The following ARMC6 variants were observed in gnomAD, a reference collection of about 807,000 sequenced individuals.
ARMC6 encodes armadillo repeat-containing protein 6.
In ARMC6, 43 loss-of-function variants were observed where a neutral mutation model predicts 49.2. The observed-to-expected ratio is 0.87, with a 90% confidence interval of 0.69 to 1.13. ARMC6 has a LOEUF of 1.13. Among genes scored for constraint, ARMC6 ranks in the 50% most tolerant of loss-of-function variants. The pLI, the probability that ARMC6 is intolerant of heterozygous loss-of-function variation, is 0.00. For missense variants in ARMC6, 627 were observed against 682.0 expected, an observed-to-expected ratio of 0.92 and a Z score of 0.90; for synonymous variants, 262 against 289.6, an observed-to-expected ratio of 0.90 and a Z score of 0.97.
chr19:19,034,562 T>A (rs1222533410), intron 2 of ARMC6, among the ~76,000 whole-genome samples: 1 of 152,042 alleles, frequency 6.6e-6, no homozygotes, highest in African/African-American at 2.4e-5. Context: ...GGATGGAGTC[T>A]TTTAGAGTCC....
rs374929057 is a variant in ARMC6 at position 19,051,679 on chromosome 19, T to C, written c.337T>C (p.Tyr113His). The change falls in exon 5 of 9, where the codon TAC becomes CAC. Residue 113 changes from tyrosine (Y) to histidine (H), a missense_variant. By Grantham distance (83) the Tyr-to-His change is moderately conservative (BLOSUM62 2). Transcript: ENST00000535612. Reference protein sequence around the residue: ...ASSRPQEVSAYLTRFCDQCKQ... With the variant: ...ASSRPQEVSAHLTRFCDQCKQ... ...CTCTCGCCCCCAGGAGGTGTCAGCA[T>C]ACCTCACCCGCTTCTGCGACCAGTG... is the stretch of plus-strand genomic sequence containing the variant. The C allele has an allele frequency of 1.2e-6, 2 of 1,613,626 alleles. No individual in the cohort carries two copies. The highest frequency in any genetic ancestry group is 1.7e-6 in the Non-Finnish European group (2 of 1,179,866).
intron 2 of ARMC6, among the ~76,000 whole-genome samples, chr19:19,038,898 T>TACACACACACACACAC (rs35676976): frequency 2.7e-5 from 4 of 147,208 alleles, no homozygotes; most frequent in African/African-American, 7.5e-5. Flanking sequence ...TTTGTGTGTA[T>TACACACACACACACAC]ACACACACAC....
chr19:19,043,989 CAG>C lies in ARMC6; in HGVS notation c.197-2_197-1del, dbSNP rs773417160. 72 of 1,613,760 alleles carry C rather than the reference CAG, an allele frequency of 4.5e-5. No homozygotes were observed. The highest frequency in any genetic ancestry group is 4.0e-4 in the East Asian group (18 of 44,886). On this transcript the variant is annotated splice_acceptor_variant, in intron 3 of 8. Transcript: ENST00000535612. LOFTEE classifies it high-confidence loss of function. Reference sequence around the variant, plus strand: ...GTGTGCTTGCTTCCCCCACCCCCAACAGGGGTTGATCTGAGCAACATTGTAAA... The same window carrying C: ...GTGTGCTTGCTTCCCCCACCCCCAACGGGTTGATCTGAGCAACATTGTAAA...
At chr19:19,044,404 C>T (rs764651647) in intron 4 of ARMC6, among the ~76,000 whole-genome samples, 6 of 152,162 alleles carry the variant, frequency 3.9e-5, no homozygotes, top group African/African-American at 9.7e-5. Flanking sequence ...ACTCATAGGA[C>T]GAGAGAGTGG....
intron 2 of ARMC6, among the ~76,000 whole-genome samples, chr19:19,035,542 C>G (rs996650978): frequency 6.6e-6 from 1 of 152,214 alleles, no homozygotes; most frequent in Non-Finnish European, 1.5e-5. Context: ...CAGCCCTGTA[C>G]CAGATCTAGG....
At position 19,044,009 on chromosome 19, in the gene ARMC6, A is replaced by G. The variant is rs1234040287; in HGVS notation, c.214A>G (p.Ile72Val). 1 of 1,614,102 alleles carries G rather than the reference A, an allele frequency of 6.2e-7. No individual in the cohort carries two copies. Among genetic ancestry groups the G allele is most frequent in the Non-Finnish European group, 8.5e-7 (1 of 1,179,974 alleles). The change falls in exon 4 of 9, where the codon ATT becomes GTT. Residue 72 changes from isoleucine (I) to valine (V), a missense_variant. Coordinates refer to ENST00000535612, the MANE Select transcript of ARMC6 (RefSeq NM_001199196.2). ...CCCAACAGGGGTTGATCTGAGCAAC[A>G]TTGTAAAGACGGCACCTAAAGTCTC... ...FESQGVDLSN[I>V]VKTAPKVSAD...
At chr19:19,036,207 G>A (rs995137027) in intron 2 of ARMC6, among the ~76,000 whole-genome samples, 8 of 151,986 alleles carry the variant, frequency 5.3e-5, no homozygotes, top group African/African-American at 9.7e-5. Context: ...GATTACAGGC[G>A]CCCACTACCA....
chr19:19,050,799 A>T (rs1048938085), intron 4 of ARMC6, among the ~76,000 whole-genome samples: 2 of 152,200 alleles, frequency 1.3e-5, no homozygotes. Flanking sequence ...GTGTCAGTCA[A>T]TGCCAAATCA....
At chr19:19,047,951 C>CT (rs2059464945) in intron 4 of ARMC6, among the ~76,000 whole-genome samples, 1 of 152,162 alleles carries the variant, frequency 6.6e-6, no homozygotes, top group Non-Finnish European at 1.5e-5. Context: ...TGGCTCACGT[C>CT]TGTAATTTCA....
intron 8 of ARMC6, among the ~76,000 whole-genome samples, chr19:19,057,058 C>A (rs1416959201): frequency 6.6e-6 from 1 of 152,252 alleles, no homozygotes; most frequent in Non-Finnish European, 1.5e-5. Flanking sequence ...GGTGCCTGTG[C>A]ACAACCACTG....
At chr19:19,037,326 C>T (rs2059378773) in intron 2 of ARMC6, among the ~76,000 whole-genome samples, 1 of 151,868 alleles carries the variant, frequency 6.6e-6, no homozygotes, top group African/African-American at 2.4e-5. Flanking sequence ...GTGTATATCC[C>T]ATGCCACTGC....
chr19:19,033,982 G>A (rs976678185), intron 1 of ARMC6, 52 bp downstream of exon 1: 14 of 540,786 alleles, frequency 2.6e-5, no homozygotes, highest in Admixed American at 1.3e-4. Flanking sequence ...GGGAGTGGGG[G>A]TGCCGCAGGG....
chr19:19,039,435 C>G (rs1479993027), intron 2 of ARMC6: 1 of 435,786 alleles, frequency 2.3e-6, no homozygotes, highest in African/African-American at 2.0e-5. Context: ...CCATGCCTGG[C>G]CTGATGTAGT....
At chr19:19,054,796 G>C (rs1186988693) in intron 6 of ARMC6, among the ~76,000 whole-genome samples, 6 of 152,234 alleles carry the variant, frequency 3.9e-5, no homozygotes, top group African/African-American at 7.2e-5. Flanking sequence ...GTTGACGTCA[G>C]CCAGCCTCTT....
At chr19:19,043,043 T>C (rs549532350) in intron 3 of ARMC6, among the ~76,000 whole-genome samples, 166 bp downstream of exon 3, 15 of 152,324 alleles carry the variant, frequency 9.8e-5, no homozygotes, top group Admixed American at 6.5e-4. Context: ...CTGGTTATCC[T>C]GCTCCCACCT....
rs547962054 is a variant in ARMC6 at position 19,055,944 on chromosome 19, G to C, written c.1293+16G>C. On this transcript the variant is annotated intron_variant, in intron 8 of 8. Coordinates refer to ENST00000535612, the MANE Select transcript of ARMC6 (RefSeq NM_001199196.2). This position sits in a 1 kb window ranked among gnomAD's most constrained non-coding sequence, Gnocchi z 5.7. ...CGGCGTGCAGGTGGGCAGGGCAGGGGATGGGGGCAGGCAGGCTGGTGTGGG... is the reference window on the plus strand; with the variant it reads ...CGGCGTGCAGGTGGGCAGGGCAGGGCATGGGGGCAGGCAGGCTGGTGTGGG... 1.1e-5 allele frequency: 17 copies of C among 1,601,966 alleles called. No homozygotes were observed. In the South Asian group the frequency reaches 1.8e-4, roughly 17 times the overall value.
rs11270900 is a variant in ARMC6 at position 19,045,493 on chromosome 19, C to CTTTTTTTTTTTTTTTTTTTTTTTTT, written c.279+1430_279+1431insTTTTTTTTTTTTTTTTTTTTTTTTT. On this transcript the variant is annotated intron_variant, in intron 4 of 8. Transcript: ENST00000535612. ...TAAGTGCTCAGCATTATGCTAAATTCTTTTTTTTTTTGAGACAAGAGTCTC... is the reference window on the plus strand; with the variant it reads ...TAAGTGCTCAGCATTATGCTAAATTCTTTTTTTTTTTTTTTTTTTTTTTTTTTTTTTTTTTTGAGACAAGAGTCTC... Among the ~76,000 whole-genome samples the CTTTTTTTTTTTTTTTTTTTTTTTTT allele has an allele frequency of 1.4e-3, 126 of 89,112 alleles. 31 individuals carry two copies. Among genetic ancestry groups the CTTTTTTTTTTTTTTTTTTTTTTTTT allele is most frequent in the African/African-American group, 5.0e-3 (104 of 20,886 alleles). The allele number at this position is 89,112 out of a possible 152,430, so 58.5% of individuals were successfully genotyped here.
chr19:19,054,478 G>C (rs905038125), intron 6 of ARMC6, among the ~76,000 whole-genome samples, 157 bp downstream of exon 6: 1 of 152,094 alleles, frequency 6.6e-6, no homozygotes, highest in African/African-American at 2.4e-5. Context: ...AGGTCGGGGG[G>C]GAAACAAACC....
Position 19,057,503 on chromosome 19 carries a change from A to G in ARMC6, c.1381A>G (p.Ile461Val). The change falls in exon 9 of 9, where the codon ATC becomes GTC. Residue 461 changes from isoleucine (I) to valine (V), a missense_variant. Transcript: ENST00000535612. ...CCTGGACCTGGGGGCTGAGGCACTC[A>G]TCATGCAGGCCCGATCTGCCCACCG... ...PILDLGAEAL[I>V]MQARSAHRDC... is the part of the protein sequence containing the mutation. The G allele has an allele frequency of 3.7e-6, 6 of 1,614,070 alleles. No homozygotes were observed. Among genetic ancestry groups the G allele is most frequent in the Non-Finnish European group, 5.1e-6 (6 of 1,180,022 alleles).
Sources: allele counts gnomAD v4.1 joint callset (sites outside exome capture counted in the v4.1 genomes callset), GRCh38; gene constraint gnomAD v4.1.1; non-coding constraint Gnocchi (gnomAD v3.1); transcripts MANE v1.5; gene names NCBI Gene and HGNC (gene_info 2026-07-23, HGNC 2026-07-21).